PTPRD: variants seen among roughly 807,000 people sequenced by gnomAD.
PTPRD encodes the protein receptor-type tyrosine-protein phosphatase delta.
Under a neutral mutation model 214.5 loss-of-function variants are expected in PTPRD, and 34 were observed. The observed-to-expected ratio is 0.16, with a 90% CI of 0.12 to 0.21. PTPRD has a LOEUF of 0.21. PTPRD is among the 10% of genes least tolerant of loss of function. The pLI, the probability that PTPRD is intolerant of heterozygous loss-of-function variation, is 1.00. For synonymous variants in PTPRD, 1,128 were observed against 845.7 expected, an observed-to-expected ratio of 1.33 and a Z score of -5.79; for missense variants, 2,545 against 2,398.7, an observed-to-expected ratio of 1.06 and a Z score of -1.27.
intron 4 of PTPRD, among the ~76,000 whole-genome samples, chr9:9,966,955 A>G (rs2094748368): frequency 6.6e-6 from 1 of 152,184 alleles, no homozygotes; most frequent in African/African-American, 2.4e-5. Context: ...TGCTAGTCCC[A>G]TTTGACAGAA....
At chr9:9,549,500 A>G (rs1193893395) in intron 8 of PTPRD, among the ~76,000 whole-genome samples, 2 of 152,078 alleles carry the variant, frequency 1.3e-5, no homozygotes, top group Non-Finnish European at 2.9e-5. Context: ...ACCAAAATAG[A>G]TAGTCAACAA....
intron 12 of PTPRD, among the ~76,000 whole-genome samples, chr9:8,663,550 G>C (rs553739461): frequency 6.6e-6 from 1 of 152,212 alleles, no homozygotes; most frequent in Admixed American, 6.5e-5. Context: ...GAGTGCAGTG[G>C]TGCGATCTTG....
At chr9:8,563,567 G>C (rs1288364776) in intron 14 of PTPRD, among the ~76,000 whole-genome samples, 1 of 151,476 alleles carries the variant, frequency 6.6e-6, no homozygotes, top group African/African-American at 2.4e-5. Context: ...CTCCTGAGTA[G>C]TTGGGACTAT....
intron 7 of PTPRD, among the ~76,000 whole-genome samples, chr9:9,617,031 G>A (rs771750163): frequency 1.3e-5 from 2 of 152,114 alleles, no homozygotes; most frequent in Non-Finnish European, 2.9e-5. Context: ...TGACCTCCCA[G>A]AATGAACCCC....
Position 8,486,161 on chromosome 9 carries a change from G to C in PTPRD, c.2656C>G (p.His886Asp), listed in dbSNP as rs1460366870. The C allele has an allele frequency of 1.2e-6, 2 of 1,614,172 alleles. No individual in the cohort carries two copies. Among genetic ancestry groups the C allele is most frequent in the Non-Finnish European group, 1.7e-6 (2 of 1,180,028 alleles). ...CTGAAGACGTATGATGCTCCCTTGT[G>C]GATGTCTGTAGCTGTAAAGTGATCT... is the stretch of plus-strand genomic sequence containing the variant. ...KEDHFTATDI[H>D]KGASYVFRLS... The change falls in exon 28 of 46, where the codon CAC becomes GAC. Residue 886 changes from histidine to aspartate, a missense_variant. Coordinates refer to ENST00000381196, the MANE Select transcript of PTPRD (RefSeq NM_002839.4).
intron 2 of PTPRD, among the ~76,000 whole-genome samples, chr9:10,398,038 A>G (rs1279011859): frequency 6.6e-6 from 1 of 151,534 alleles, no homozygotes; most frequent in African/African-American, 2.4e-5. Context: ...AATCAAAACA[A>G]TATTTTCTGG....
chr9:9,725,192 G>T (rs1270914393), intron 7 of PTPRD, among the ~76,000 whole-genome samples: 2 of 152,042 alleles, frequency 1.3e-5, no homozygotes, highest in African/African-American at 4.8e-5. Context: ...CTCGTGTTCT[G>T]GGAAGGATCT....
At chr9:9,510,533 C>T (rs2096675993) in intron 8 of PTPRD, among the ~76,000 whole-genome samples, 1 of 151,506 alleles carries the variant, frequency 6.6e-6, no homozygotes, top group African/African-American at 2.4e-5. Context: ...TAAGGTACTT[C>T]ATTTTCATTT....
At chr9:10,461,072 A>C (rs566876840) in intron 2 of PTPRD, among the ~76,000 whole-genome samples, 1 of 152,204 alleles carries the variant, frequency 6.6e-6, no homozygotes, top group East Asian at 1.9e-4. Context: ...CTGATTAAAA[A>C]CTGGACAAAA....
At chr9:8,568,199 A>G (rs1380261192) in intron 14 of PTPRD, among the ~76,000 whole-genome samples, 1 of 152,202 alleles carries the variant, frequency 6.6e-6, no homozygotes, top group Non-Finnish European at 1.5e-5. Flanking sequence ...TATACATTGC[A>G]GAGATGCTAA....
intron 12 of PTPRD, among the ~76,000 whole-genome samples, chr9:8,656,909 C>G (rs2096920863): frequency 6.6e-6 from 1 of 152,078 alleles, no homozygotes; most frequent in Non-Finnish European, 1.5e-5. Context: ...CTGGAACACC[C>G]TGAAATCACA....
chr9:8,510,268 G>C (rs900891312), intron 21 of PTPRD, among the ~76,000 whole-genome samples: 1 of 152,082 alleles, frequency 6.6e-6, no homozygotes, highest in Non-Finnish European at 1.5e-5. Flanking sequence ...CACCACCCTG[G>C]ATGACAGAGT....
chr9:10,412,915 C>G (rs1188810630), intron 2 of PTPRD, among the ~76,000 whole-genome samples: 1 of 151,948 alleles, frequency 6.6e-6, no homozygotes, highest in African/African-American at 2.4e-5. Flanking sequence ...TTCAACATCC[C>G]TTCATGTTAA....
chr9:9,154,460 G>T (rs565707086), intron 10 of PTPRD, among the ~76,000 whole-genome samples: 1 of 151,868 alleles, frequency 6.6e-6, no homozygotes, highest in East Asian at 1.9e-4. Context: ...CCCAAAACAG[G>T]GAGAGAGAGA....
chr9:8,627,650 G>A (rs1036213627), intron 14 of PTPRD, among the ~76,000 whole-genome samples: 1 of 151,814 alleles, frequency 6.6e-6, no homozygotes, highest in African/African-American at 2.4e-5. Context: ...TCCAAGGAAG[G>A]AGCATGCATC....
intron 11 of PTPRD, among the ~76,000 whole-genome samples, chr9:8,756,455 A>T (rs2093994889): frequency 6.6e-6 from 1 of 152,236 alleles, no homozygotes; most frequent in Non-Finnish European, 1.5e-5. Context: ...AAAAAACAAT[A>T]CAGCAAATCC....
chr9:10,079,349 G>T (rs892489133), intron 3 of PTPRD, among the ~76,000 whole-genome samples: 3 of 152,100 alleles, frequency 2.0e-5, no homozygotes, highest in African/African-American at 4.8e-5. Context: ...TTCATTAAAA[G>T]AAATGGTAAT....
In PTPRD at chr9:8,527,193, C is replaced by T. The variant is rs1023829059; in HGVS notation, c.550+152G>A. ...GCACAGTGTTCTTACGATAACAGTT[C>T]TGTGGAGGTGTGTGTGGGAGCCACT... is the stretch of plus-strand genomic sequence containing the variant. On this transcript the variant is annotated intron_variant, in intron 16 of 45. Coordinates refer to ENST00000381196, the MANE Select transcript of PTPRD (RefSeq NM_002839.4). 5 of 717,578 alleles carry T rather than the reference C, an allele frequency of 7.0e-6. No individual in the cohort carries two copies. The African/African-American group carries it at 9.0e-5, about 13-fold the overall frequency. The allele number at this position is 717,578 out of a possible 1,614,324, so 44.5% of individuals were successfully genotyped here. A position where few individuals can be genotyped will look rare whatever the true frequency, so the allele number is the denominator to read the frequency against.
At chr9:10,307,473 T>C (rs1449166083) in intron 3 of PTPRD, among the ~76,000 whole-genome samples, 2 of 152,144 alleles carry the variant, frequency 1.3e-5, no homozygotes, top group Non-Finnish European at 2.9e-5. Context: ...TGATGGGTAC[T>C]TAGGTTGATT....
Sources: gnomAD v4.1 joint callset for allele counts (sites outside exome capture counted in the v4.1 genomes callset) on GRCh38, gnomAD v4.1.1 for gene constraint, MANE v1.5 for transcripts, NCBI Gene and HGNC (gene_info 2026-07-23, HGNC 2026-07-21) for gene names.